Variants in RASAL2 observed in about 807,000 individuals in gnomAD.
RASAL2 encodes RAS protein activator like 2.
A neutral mutation model predicts 128.9 loss-of-function variants in RASAL2; 58 were observed. The ratio of observed to expected loss-of-function variants is 0.45; its 90% CI spans 0.36 to 0.56. RASAL2 has a LOEUF of 0.56. RASAL2 is among the 20% of genes least tolerant of loss of function. RASAL2 has a pLI of 0.00. For synonymous variants in RASAL2, 561 were observed against 580.8 expected, an observed-to-expected ratio of 0.97 and a Z score of 0.49; for missense variants, 1,360 against 1,601.6, an observed-to-expected ratio of 0.85 and a Z score of 2.57.
chr1:178,407,795 C>G (rs766562739), intron 4 of RASAL2, among the ~76,000 whole-genome samples: 1 of 152,154 alleles, frequency 6.6e-6, no homozygotes, highest in Non-Finnish European at 1.5e-5. Context: ...CTTAAGGGAA[C>G]GCAGCAGTGC....
intron 3 of RASAL2, among the ~76,000 whole-genome samples, chr1:178,342,870 A>G (rs1669958455): frequency 6.6e-6 from 1 of 152,118 alleles, no homozygotes; most frequent in Admixed American, 6.6e-5. Flanking sequence ...CTGTTACTTC[A>G]CCTCATGAAT....
intron 1 of RASAL2, among the ~76,000 whole-genome samples, chr1:178,143,992 A>G (rs1660631801): frequency 6.6e-6 from 1 of 152,086 alleles, no homozygotes; most frequent in East Asian, 1.9e-4. Flanking sequence ...TACTATCAGG[A>G]ATAATTTCTT....
intron 1 of RASAL2, among the ~76,000 whole-genome samples, chr1:178,242,774 C>A (rs1664575345): frequency 6.6e-6 from 1 of 152,154 alleles, no homozygotes; most frequent in African/African-American, 2.4e-5. Flanking sequence ...GCCACCCAGG[C>A]TGGAGTGAGT....
chr1:178,103,182 C>A (rs751464198), intron 1 of RASAL2, among the ~76,000 whole-genome samples: 13 of 152,166 alleles, frequency 8.5e-5, no homozygotes, highest in Non-Finnish European at 1.6e-4. Flanking sequence ...CTTCTTCTTT[C>A]TTCCCCCCGC....
At chr1:178,245,294 T>C (rs1230818042) in intron 1 of RASAL2, among the ~76,000 whole-genome samples, 2 of 152,260 alleles carry the variant, frequency 1.3e-5, no homozygotes, top group African/African-American at 2.4e-5. Flanking sequence ...TGGTATTTCA[T>C]TGTGGTTGTA....
intron 3 of RASAL2, among the ~76,000 whole-genome samples, chr1:178,374,880 A>G (rs375125694): frequency 6.6e-6 from 1 of 152,126 alleles, no homozygotes. Context: ...AATAAATGCA[A>G]TGTTCTAGAC....
At chr1:178,401,206 G>A (rs951754178) in intron 4 of RASAL2, among the ~76,000 whole-genome samples, 18 of 152,146 alleles carry the variant, frequency 1.2e-4, no homozygotes, top group Admixed American at 5.9e-4. Flanking sequence ...AAGTATGCAC[G>A]TTGCAAAGAC....
chr1:178,367,726 TAAAGGAGTAGAAGG>T (rs1273675003), intron 3 of RASAL2, among the ~76,000 whole-genome samples: 4 of 152,162 alleles, frequency 2.6e-5, no homozygotes, highest in African/African-American at 9.7e-5. Context: ...ACCATGAAAC[TAAAGGAGTAGAAGG>T]AAAGCAGTAA....
intron 1 of RASAL2, among the ~76,000 whole-genome samples, chr1:178,180,661 T>TCACACACACACACACA (rs1455344116): frequency 1.9e-3 from 13 of 6,742 alleles, no homozygotes; most frequent in African/African-American, 2.7e-3. Flanking sequence ...AGCGAGACTG[T>TCACACACACACACACA]CTCACACACA....
intron 1 of RASAL2, among the ~76,000 whole-genome samples, chr1:178,218,368 T>A (rs1438915985): frequency 2.0e-5 from 3 of 152,096 alleles, no homozygotes; most frequent in Non-Finnish European, 4.4e-5. Context: ...TTCTGAGCAA[T>A]AGGTCTCAAC....
intron 1 of RASAL2, among the ~76,000 whole-genome samples, chr1:178,147,743 G>A (rs1036821163): frequency 2.6e-5 from 4 of 152,102 alleles, no homozygotes; most frequent in Non-Finnish European, 5.9e-5. Context: ...CCAAATTTAT[G>A]TGGATTTCAA....
intron 1 of RASAL2, among the ~76,000 whole-genome samples, chr1:178,192,878 C>T (rs569625136): frequency 5.0e-4 from 76 of 152,208 alleles, no homozygotes; most frequent in Middle Eastern, 3.4e-3. Context: ...GGCACTGCCC[C>T]TGGGGAAAGT....
At chr1:178,444,506 G>A (rs1676866082) in intron 8 of RASAL2, among the ~76,000 whole-genome samples, 1 of 152,044 alleles carries the variant, frequency 6.6e-6, no homozygotes, top group Admixed American at 6.6e-5. Context: ...CTCCTATTTT[G>A]GCATTTGCAG....
rs1666737038 is a variant in RASAL2, at chr1:178,280,591, C to G, written c.203-2973C>G. On this transcript the variant is annotated intron_variant, in intron 1 of 17. Coordinates refer to ENST00000367649, the MANE Select transcript of RASAL2 (RefSeq NM_170692.4). ...GTCAAGAAAGTGGAGAATTGCTGGT[C>G]TACAGAATAATACAGTTTTAAAGAA... Among the ~76,000 whole-genome samples the G allele has an allele frequency of 2.0e-5, 3 of 151,982 alleles. No homozygotes were observed. In the South Asian group the frequency reaches 6.2e-4, roughly 32 times the overall value.
chr1:178,100,390 G>A (rs1228900404), intron 1 of RASAL2, among the ~76,000 whole-genome samples: 1 of 151,660 alleles, frequency 6.6e-6, no homozygotes, highest in Non-Finnish European at 1.5e-5. Context: ...GCAGGGCATG[G>A]TGGCACATCT....
intron 1 of RASAL2, among the ~76,000 whole-genome samples, chr1:178,182,982 A>G (rs1397529782): frequency 6.6e-6 from 1 of 152,100 alleles, no homozygotes; most frequent in African/African-American, 2.4e-5. Flanking sequence ...GGGGTTTGCA[A>G]TTGCATGAGA....
At chr1:178,385,879 C>G (rs1672538444) in intron 3 of RASAL2, among the ~76,000 whole-genome samples, 3 of 152,180 alleles carry the variant, frequency 2.0e-5, no homozygotes, top group African/African-American at 2.4e-5. Context: ...AGGCTGACTT[C>G]CTTACCTCCT....
chr1:178,357,231 C>T (rs775037736), intron 3 of RASAL2, among the ~76,000 whole-genome samples: 3 of 152,170 alleles, frequency 2.0e-5, no homozygotes, highest in South Asian at 2.1e-4. Context: ...TGTAATTTCT[C>T]GCTTTTGTGT....
chr1:178,137,612 G>A (rs1368717283), intron 1 of RASAL2, among the ~76,000 whole-genome samples: 1 of 152,024 alleles, frequency 6.6e-6, no homozygotes, highest in Non-Finnish European at 1.5e-5. Flanking sequence ...CATAATATTG[G>A]GCACTAATTT....
Sources: allele counts gnomAD v4.1 joint callset (sites outside exome capture counted in the v4.1 genomes callset), GRCh38; gene constraint gnomAD v4.1.1; transcripts MANE v1.5; gene names NCBI Gene and HGNC (gene_info 2026-07-23, HGNC 2026-07-21).